Variants in LMX1B observed in about 807,000 individuals in gnomAD.
The protein encoded by LMX1B is LIM homeobox transcription factor 1 beta.
A neutral mutation model predicts 51.4 loss-of-function variants in LMX1B; 12 were observed. The ratio of observed to expected loss-of-function variants is 0.23; its 90% CI spans 0.15 to 0.38. The LOEUF is 0.38. Ranked by LOEUF, LMX1B falls within the 10% of genes least tolerant of loss-of-function variation. The pLI is 1.00. For missense variants in LMX1B, 445 were observed against 571.1 expected (o/e 0.78, Z 2.25); for synonymous variants, 237 against 235.4 (o/e 1.01, Z -0.06).
At position 126,614,238 on chromosome 9, in the gene LMX1B, G is replaced by A. The variant is rs1835252590; in HGVS notation, c.-212G>A. The stretch of plus-strand genomic sequence containing the variant: ...CGTGGCTGCAAGTGTCCGGGAGAGC[G>A]CGGCGCGGGCTGCAGCCGCCCCGGC... On this transcript the variant is annotated 5_prime_UTR_variant, in exon 1 of 8. Transcript: ENST00000373474. Among the ~76,000 whole-genome samples the A allele has an allele frequency of 6.8e-6, 1 of 146,018 alleles. No individual in the cohort carries two copies. Among genetic ancestry groups the A allele is most frequent in the Admixed American group, 6.8e-5 (1 of 14,718 alleles).
At chr9:126,663,755 C>T (rs1361922918) in intron 2 of LMX1B, among the ~76,000 whole-genome samples, 2 of 152,238 alleles carry the variant, frequency 1.3e-5, no homozygotes, top group Admixed American at 6.5e-5. Context: ...AGTCAACACA[C>T]GGTACTTGAG....
At chr9:126,644,192 T>C (rs999496003) in intron 2 of LMX1B, among the ~76,000 whole-genome samples, 8 of 152,208 alleles carry the variant, frequency 5.3e-5, no homozygotes, top group African/African-American at 1.9e-4. Context: ...GGGGGGTATC[T>C]GCTGAAGTCG....
At chr9:126,650,685 G>A (rs948579400) in intron 2 of LMX1B, among the ~76,000 whole-genome samples, 2 of 152,124 alleles carry the variant, frequency 1.3e-5, no homozygotes, top group Non-Finnish European at 2.9e-5. Context: ...CTCCCTTCCT[G>A]AGGCCAGTGT....
chr9:126,637,288 CTGTGTCAGTGTGTG>C (rs1338128989), intron 2 of LMX1B, among the ~76,000 whole-genome samples: 15 of 152,084 alleles, frequency 9.9e-5, no homozygotes, highest in African/African-American at 2.4e-4. Context: ...GGAGCAGCGC[CTGTGTCAGTGTGTG>C]TGTGTCAGTG....
chr9:126,656,651 C>T (rs887182810), intron 2 of LMX1B, among the ~76,000 whole-genome samples: 1 of 152,198 alleles, frequency 6.6e-6, no homozygotes, highest in Non-Finnish European at 1.5e-5. Flanking sequence ...TCCCTCAAGC[C>T]TGCATGCTCT....
Position 126,618,137 on chromosome 9 carries a change from G to A in LMX1B, c.326+2568G>A, listed in dbSNP as rs1315768243. Among the ~76,000 whole-genome samples, 1 of 152,172 alleles carries A rather than the reference G, an allele frequency of 6.6e-6. No individual in the cohort carries two copies. The highest frequency in any genetic ancestry group is 1.5e-5 in the Non-Finnish European group (1 of 68,036). On this transcript the variant is annotated intron_variant, in intron 2 of 7. Transcript: ENST00000373474. The surrounding 1 kb of genome is among the most constrained non-coding windows in gnomAD (Gnocchi z 4.5). ...CAGACAGGAATCCAAGCAAGCGGGCGCAGAAACGTGCCTTCTTGATATTGT... is the reference window on the plus strand; with the variant it reads ...CAGACAGGAATCCAAGCAAGCGGGCACAGAAACGTGCCTTCTTGATATTGT...
intron 2 of LMX1B, among the ~76,000 whole-genome samples, chr9:126,679,697 G>C (rs1015584027): frequency 9.2e-5 from 14 of 152,130 alleles, no homozygotes; most frequent in African/African-American, 3.4e-4. Flanking sequence ...ACTCCAACCT[G>C]ACCACTGTCT....
intron 2 of LMX1B, among the ~76,000 whole-genome samples, chr9:126,642,453 C>T (rs1444960551): frequency 6.6e-6 from 1 of 152,232 alleles, no homozygotes; most frequent in African/African-American, 2.4e-5. Flanking sequence ...CCCCTGTCTA[C>T]ACTGTTTCCT....
At chr9:126,637,591 A>G (rs12336217) in intron 2 of LMX1B, among the ~76,000 whole-genome samples, 26,336 of 151,898 alleles carry the variant, frequency 0.17, 3,179 homozygotes, top group East Asian at 0.42. Flanking sequence ...GTGTCAGGGC[A>G]TGGGAAGGGC....
At chr9:126,639,944 A>G (rs1265596921) in intron 2 of LMX1B, among the ~76,000 whole-genome samples, 2 of 152,180 alleles carry the variant, frequency 1.3e-5, no homozygotes, top group African/African-American at 4.8e-5. Context: ...CCACTGATCT[A>G]ATTTGCAGCC....
At chr9:126,627,723 G>C (rs1258614472) in intron 2 of LMX1B, among the ~76,000 whole-genome samples, 1 of 152,092 alleles carries the variant, frequency 6.6e-6, no homozygotes, top group African/African-American at 2.4e-5. Context: ...ACCTTGGGCT[G>C]CTTTAGGATA....
chr9:126,644,125 CG>C (rs1246495519), intron 2 of LMX1B, among the ~76,000 whole-genome samples: 1 of 152,168 alleles, frequency 6.6e-6, no homozygotes, highest in East Asian at 1.9e-4. Context: ...TGCCAGGTAA[CG>C]GGGCTGGTGG....
At chr9:126,657,857 C>T (rs962919662) in intron 2 of LMX1B, among the ~76,000 whole-genome samples, 2 of 152,148 alleles carry the variant, frequency 1.3e-5, no homozygotes, top group Non-Finnish European at 2.9e-5. Flanking sequence ...CAGGACATTC[C>T]CTGCATGAGG....
At chr9:126,696,047 G>T (rs1448008849) in intron 7 of LMX1B, 44 bp downstream of exon 7, 1 of 850,306 alleles carries the variant, frequency 1.2e-6, no homozygotes, top group Non-Finnish European at 1.4e-6. Flanking sequence ...CACAGCCCCT[G>T]CCCCCTGCCA....
rs2030379605 is a variant in LMX1B, at chr9:126,697,412, G to C, written c.*961G>C. The C allele has an allele frequency of 6.6e-6, 1 of 152,324 alleles. No individual in the cohort carries two copies. Among genetic ancestry groups the C allele is most frequent in the African/African-American group, 2.4e-5 (1 of 41,398 alleles). 9.4% of individuals were successfully genotyped at this position (152,324 alleles called of 1,614,324 possible). A position where few individuals can be genotyped will look rare whatever the true frequency, so the allele number is the denominator to read the frequency against. On this transcript the variant is annotated 3_prime_UTR_variant, in exon 8 of 8. Coordinates refer to ENST00000373474, the MANE Select transcript of LMX1B (RefSeq NM_001174147.2). The stretch of plus-strand genomic sequence containing the variant: ...CAGGGACTTCAGAAGCACCTGCTGG[G>C]CACCCCATCTGCAATGTGGTCCTCT...
In LMX1B at chr9:126,619,000, C is replaced by T. The variant is rs536198131; in HGVS notation, c.326+3431C>T. The stretch of plus-strand genomic sequence containing the variant: ...CGTCCTTCCGCCCGCAGGGCCTGCC[C>T]GGGCGGCCGAGCCTCTCGGCGACAC... On this transcript the variant is annotated intron_variant, in intron 2 of 7. Coordinates refer to ENST00000373474, the MANE Select transcript of LMX1B (RefSeq NM_001174147.2). The surrounding 1 kb of genome is among the most constrained non-coding windows in gnomAD (Gnocchi z 4.5). Among the ~76,000 whole-genome samples, 26 of 152,074 alleles carry T rather than the reference C, an allele frequency of 1.7e-4. No homozygotes were observed. The highest frequency in any genetic ancestry group is 6.3e-4 in the African/African-American group (26 of 41,506).
chr9:126,627,813 T>C (rs1835562972), intron 2 of LMX1B, among the ~76,000 whole-genome samples: 1 of 152,174 alleles, frequency 6.6e-6, no homozygotes, highest in African/African-American at 2.4e-5. Context: ...TGTCCTGTTG[T>C]AGCAGAGCAG....
intron 2 of LMX1B, among the ~76,000 whole-genome samples, chr9:126,675,778 G>C (rs769633724): frequency 6.7e-6 from 1 of 148,544 alleles, no homozygotes; most frequent in Admixed American, 6.7e-5. Context: ...GGCCGGGCGC[G>C]GTGGCTCACG....
chr9:126,693,666 G>T (rs1006337822), intron 5 of LMX1B, 65 bp downstream of exon 5: 40 of 1,605,384 alleles, frequency 2.5e-5, no homozygotes, highest in Non-Finnish European at 3.3e-5. Context: ...GCAGCCAGAA[G>T]ACTACGGTCC....
Sources: allele counts gnomAD v4.1 joint callset (sites outside exome capture counted in the v4.1 genomes callset), GRCh38; gene constraint gnomAD v4.1.1; non-coding constraint Gnocchi (gnomAD v3.1); transcripts MANE v1.5; gene names NCBI Gene and HGNC (gene_info 2026-07-23, HGNC 2026-07-21).